CNTN4: variants seen among roughly 807,000 people sequenced by gnomAD.
The protein encoded by CNTN4 is contactin-4.
A neutral mutation model predicts 122.5 loss-of-function variants in CNTN4; 77 were observed. That is an observed-to-expected ratio of 0.63 (90% CI 0.52 to 0.76). The LOEUF (loss-of-function observed/expected upper bound fraction) is 0.76. Ranked by LOEUF, CNTN4 falls within the 30% of genes least tolerant of loss-of-function variation. The pLI, the probability that CNTN4 is intolerant of heterozygous loss-of-function variation, is 0.00. For missense variants in CNTN4, 1,256 were observed against 1,259.1 expected (o/e 1.00, Z 0.04); for synonymous variants, 512 against 447.0 (o/e 1.15, Z -1.83).
intron 14 of CNTN4, among the ~76,000 whole-genome samples, chr3:2,995,706 A>C (rs1051985597): frequency 3.9e-5 from 6 of 152,220 alleles, no homozygotes; most frequent in Non-Finnish European, 7.3e-5. Context: ...ATTTTTTTAC[A>C]TATGAGACTG....
chr3:2,832,902 G>A (rs185784100), intron 7 of CNTN4, among the ~76,000 whole-genome samples: 3 of 152,056 alleles, frequency 2.0e-5, no homozygotes, highest in Non-Finnish European at 4.4e-5. Flanking sequence ...AATTACAACC[G>A]ATGTGTTAAA....
In CNTN4 at chr3:2,925,654, A is replaced by C; in HGVS notation, c.1233A>C (p.Thr411=). 6.2e-7 allele frequency: 1 copy of C among 1,613,702 alleles called. No homozygotes were observed. Among genetic ancestry groups the C allele is most frequent in the Non-Finnish European group, 8.5e-7 (1 of 1,179,824 alleles). ...CTGTAGGTCCAGATTTTTCAAGAAC[A>C]CTCTTGAAAAGAGTAACTCTTGTCA... ...VIAVGPDFSR[T]LLKRVTLVKV... Residue 411 remains threonine, a synonymous_variant, in exon 13 of 25, where the codon ACA becomes ACC. Transcript: ENST00000418658.
chr3:2,247,070 G>C (rs1475566617), intron 2 of CNTN4, among the ~76,000 whole-genome samples: 3 of 152,016 alleles, frequency 2.0e-5, no homozygotes, highest in Non-Finnish European at 4.4e-5. Context: ...CATATGCATT[G>C]TGTTCTACTA....
chr3:2,573,020 A>C (rs2079494046), intron 4 of CNTN4, among the ~76,000 whole-genome samples: 1 of 152,174 alleles, frequency 6.6e-6, no homozygotes, highest in Non-Finnish European at 1.5e-5. Flanking sequence ...TTAACTATGA[A>C]TATTAATATT....
chr3:2,132,037 A>G (rs778910661), intron 2 of CNTN4, among the ~76,000 whole-genome samples: 21 of 152,182 alleles, frequency 1.4e-4, no homozygotes, highest in South Asian at 2.1e-4. Flanking sequence ...GAGATCCTGC[A>G]TAACTTCTGT....
chr3:2,208,596 C>T (rs180779082), intron 2 of CNTN4, among the ~76,000 whole-genome samples: 393 of 152,246 alleles, frequency 2.6e-3, no homozygotes, highest in Non-Finnish European at 4.6e-3. Context: ...GAATTGACTG[C>T]ATTTTGAATT....
At position 2,673,534 on chromosome 3, in the gene CNTN4, AGTTTTTT is replaced by A. The variant is rs1474217358; in HGVS notation, c.56-62668_56-62662del. Among the ~76,000 whole-genome samples the A allele has an allele frequency of 9.2e-5, 14 of 151,950 alleles. No homozygotes were observed. In the South Asian group the frequency reaches 2.1e-3, roughly 23 times the overall value. On this transcript the variant is annotated intron_variant, in intron 4 of 24. Coordinates refer to ENST00000418658, the MANE Select transcript of CNTN4 (RefSeq NM_175607.3). ...GGCAGAAGTGATACTTCTGAGGCTC[AGTTTTTT>A]GTTTTTTGTTTTGTTTCGAGGTGGT...
At chr3:2,119,396 AG>A (rs2033575388) in intron 2 of CNTN4, among the ~76,000 whole-genome samples, 1 of 152,194 alleles carries the variant, frequency 6.6e-6, no homozygotes, top group Non-Finnish European at 1.5e-5. Context: ...TGTATGAGAA[AG>A]TTTCTCTAGC....
chr3:2,983,256 G>T (rs935309686), intron 13 of CNTN4, among the ~76,000 whole-genome samples: 4 of 58,922 alleles, frequency 6.8e-5, no homozygotes, highest in African/African-American at 1.7e-4. Flanking sequence ...AAAAAAAAAA[G>T]CACAAAGCCT....
chr3:2,507,962 G>T (rs2076781629), intron 3 of CNTN4, among the ~76,000 whole-genome samples: 1 of 151,888 alleles, frequency 6.6e-6, no homozygotes, highest in Admixed American at 6.6e-5. Context: ...TGAATATCAA[G>T]GCATATTGCA....
chr3:2,472,176 T>C (rs1486312525), intron 3 of CNTN4, among the ~76,000 whole-genome samples: 1 of 150,656 alleles, frequency 6.6e-6, no homozygotes, highest in South Asian at 2.1e-4. Flanking sequence ...AAAAAAGTTC[T>C]CCCCAGCTCT....
chr3:2,458,359 T>G (rs1169946932), intron 3 of CNTN4, among the ~76,000 whole-genome samples: 1 of 152,170 alleles, frequency 6.6e-6, no homozygotes, highest in Non-Finnish European at 1.5e-5. Context: ...TACATATCTT[T>G]CTTGTGTATA....
chr3:2,673,701 C>T (rs940805336), intron 4 of CNTN4, among the ~76,000 whole-genome samples: 18 of 151,996 alleles, frequency 1.2e-4, no homozygotes, highest in South Asian at 4.2e-4. Flanking sequence ...CCACCACGCC[C>T]GGCTAATTTT....
rs189033653 is a variant in CNTN4 at position 2,362,342 on chromosome 3, G to A, written c.-89+23109G>A. 138 of 294,536 alleles carry A rather than the reference G, an allele frequency of 4.7e-4. 2 individuals are homozygous for A. The East Asian group carries it at 0.012, about 26-fold the overall frequency. The allele number at this position is 294,536 out of a possible 1,614,324, so 18.2% of individuals were successfully genotyped here. A position where few individuals can be genotyped will look rare whatever the true frequency, so the allele number is the denominator to read the frequency against. ...CAGGGCTGCGCGGCACACATCTGAGGAGCTGTAGGTGTGACTGGTGGGAAT... is the reference window on the plus strand; with the variant it reads ...CAGGGCTGCGCGGCACACATCTGAGAAGCTGTAGGTGTGACTGGTGGGAAT... On this transcript the variant is annotated intron_variant, in intron 3 of 24. Coordinates refer to ENST00000418658, the MANE Select transcript of CNTN4 (RefSeq NM_175607.3).
chr3:2,383,689 A>C (rs1290317223), intron 3 of CNTN4, among the ~76,000 whole-genome samples: 31 of 112,512 alleles, frequency 2.8e-4, no homozygotes, highest in East Asian at 5.7e-4. Context: ...TCCTCTCCCT[A>C]TCCTTCCCTT....
chr3:2,287,152 A>G (rs1248597798), intron 2 of CNTN4, among the ~76,000 whole-genome samples: 5 of 152,174 alleles, frequency 3.3e-5, no homozygotes, highest in Non-Finnish European at 7.4e-5. Context: ...GCTAAGTTTT[A>G]CACTCATTTT....
intron 2 of CNTN4, among the ~76,000 whole-genome samples, chr3:2,169,639 CACCCGCCTCCGCCTCCCAAA>C (rs2036371992): frequency 6.6e-6 from 1 of 151,562 alleles, no homozygotes; most frequent in African/African-American, 2.4e-5. Context: ...CCTCGTGATC[CACCCGCCTCCGCCTCCCAAA>C]GTGCTGGGAT....
Position 3,056,185 on chromosome 3 carries a change from A to G in CNTN4, c.3046A>G (p.Ile1016Val), listed in dbSNP as rs751761361. Residue 1016 changes from isoleucine (I) to valine (V), a missense_variant, in exon 25 of 25, where the codon ATA (isoleucine) becomes GTA (valine). Coordinates refer to ENST00000418658, the MANE Select transcript of CNTN4 (RefSeq NM_175607.3). ...NACTLSAIST[I>V]MISLTARSSL ...ATGTACGCTGTCAGCCATCAGTACA[A>G]TAATGATTTCCCTCACAGCTAGGTC... is the stretch of plus-strand genomic sequence containing the variant. The G allele has an allele frequency of 1.2e-6, 2 of 1,614,136 alleles. No homozygotes were observed. The highest frequency in any genetic ancestry group is 1.1e-5 in the South Asian group (1 of 91,086).
chr3:2,519,498 G>T (rs1302192747), intron 3 of CNTN4, among the ~76,000 whole-genome samples: 2 of 152,106 alleles, frequency 1.3e-5, no homozygotes, highest in Non-Finnish European at 2.9e-5. Flanking sequence ...CCCTTCTCTG[G>T]CAAGAAAGTC....
Sources: gnomAD v4.1 joint callset for allele counts (sites outside exome capture counted in the v4.1 genomes callset) on GRCh38, gnomAD v4.1.1 for gene constraint, MANE v1.5 for transcripts, NCBI Gene and HGNC (gene_info 2026-07-23, HGNC 2026-07-21) for gene names.